DPP10: variants seen among roughly 807,000 people sequenced by gnomAD.
The protein encoded by DPP10 is inactive dipeptidyl peptidase 10.
DPP10 carries 33 observed loss-of-function variants against 120.9 expected under a neutral mutation model. The observed-to-expected ratio is 0.27, with a 90% CI of 0.21 to 0.37. The LOEUF (loss-of-function observed/expected upper bound fraction) is 0.37, where lower values mean the gene tolerates loss of function less well. Among genes scored for constraint, DPP10 ranks in the 10% least tolerant of loss-of-function variants. DPP10 has a pLI of 1.00. For synonymous variants in DPP10, 337 were observed against 326.1 expected (o/e 1.03, Z -0.36); for missense variants, 816 against 942.8 (o/e 0.87, Z 1.76).
chr2:114,602,356 G>A (rs1188512997), intron 1 of DPP10, among the ~76,000 whole-genome samples: 3 of 151,370 alleles, frequency 2.0e-5, no homozygotes, highest in Non-Finnish European at 3.0e-5. Context: ...TTTGTGTGTA[G>A]CATTTATTAC....
intron 1 of DPP10, among the ~76,000 whole-genome samples, chr2:114,825,024 A>C (rs115374152): frequency 1.6e-4 from 24 of 152,336 alleles, no homozygotes; most frequent in Non-Finnish European, 2.8e-4. Context: ...CCGTGCAGTT[A>C]ACTCAATGCT....
chr2:115,531,859 G>A (rs1283636313), intron 5 of DPP10, among the ~76,000 whole-genome samples: 2 of 151,976 alleles, frequency 1.3e-5, no homozygotes, highest in African/African-American at 2.4e-5. Flanking sequence ...GCCTGTTTTT[G>A]CACTTTAGGT....
At chr2:115,735,147 G>A (rs1264405526) in intron 8 of DPP10, among the ~76,000 whole-genome samples, 2 of 152,062 alleles carry the variant, frequency 1.3e-5, no homozygotes, top group East Asian at 1.9e-4. Flanking sequence ...TTTCATAGTG[G>A]TCATACCCAA....
At chr2:115,507,057 G>C (rs199532371) in intron 4 of DPP10, among the ~76,000 whole-genome samples, 8 of 122,130 alleles carry the variant, frequency 6.6e-5, no homozygotes, top group African/African-American at 9.8e-5. Context: ...CACACACACA[G>C]ACACACACAC....
chr2:114,850,698 CCA>C (rs1452667723), intron 1 of DPP10, among the ~76,000 whole-genome samples: 1 of 151,990 alleles, frequency 6.6e-6, no homozygotes, highest in Non-Finnish European at 1.5e-5. Context: ...AATGGGGAGT[CCA>C]CTTCTCTCTA....
intron 1 of DPP10, among the ~76,000 whole-genome samples, chr2:114,621,607 C>T (rs546432913): frequency 1.3e-5 from 2 of 152,016 alleles, no homozygotes; most frequent in African/African-American, 4.8e-5. Flanking sequence ...TTGTGTGTGA[C>T]TGAATCCAGT....
intron 3 of DPP10, among the ~76,000 whole-genome samples, chr2:115,460,265 A>G (rs2073912190): frequency 6.6e-6 from 1 of 152,214 alleles, no homozygotes; most frequent in South Asian, 2.1e-4. Context: ...TACATTTTTC[A>G]TAACGACCTG....
chr2:114,698,744 G>A (rs564532291), intron 1 of DPP10, among the ~76,000 whole-genome samples: 5 of 152,190 alleles, frequency 3.3e-5, no homozygotes, highest in East Asian at 1.9e-4. Context: ...ATAAATTCCA[G>A]AGAGCAAGAG....
chr2:114,531,636 TTGGTTC>T (rs893741554), intron 1 of DPP10, among the ~76,000 whole-genome samples: 4 of 75,356 alleles, frequency 5.3e-5, no homozygotes, highest in Non-Finnish European at 1.5e-4. Context: ...ATATCTCCTA[TTGGTTC>T]TGTTTCTCTT....
chr2:114,518,904 C>T (rs549813068), intron 1 of DPP10, among the ~76,000 whole-genome samples: 1 of 152,286 alleles, frequency 6.6e-6, no homozygotes, highest in East Asian at 1.9e-4. Flanking sequence ...CAGTTTATTA[C>T]TCAGAGGCTG....
intron 1 of DPP10, among the ~76,000 whole-genome samples, chr2:114,935,515 G>T (rs1165464352): frequency 3.3e-5 from 5 of 152,108 alleles, no homozygotes; most frequent in Non-Finnish European, 7.4e-5. Context: ...GATAAGATTT[G>T]CTGTCCCTTC....
chr2:114,549,482 G>T (rs1439233925), intron 1 of DPP10, among the ~76,000 whole-genome samples: 2 of 151,872 alleles, frequency 1.3e-5, no homozygotes, highest in African/African-American at 4.8e-5. Flanking sequence ...CCAACATTGG[G>T]AAACCCTGTC....
intron 1 of DPP10, among the ~76,000 whole-genome samples, chr2:114,937,563 C>T (rs1696576361): frequency 6.6e-6 from 1 of 152,156 alleles, no homozygotes; most frequent in Non-Finnish European, 1.5e-5. Flanking sequence ...TGAACTCTCT[C>T]TTCAAAGTTC....
intron 5 of DPP10, among the ~76,000 whole-genome samples, chr2:115,562,674 G>T (rs2080762629): frequency 6.6e-6 from 1 of 151,902 alleles, no homozygotes; most frequent in South Asian, 2.1e-4. Context: ...TATCAAATCT[G>T]GGTTTTATTC....
At chr2:115,536,111 TACAC>T in intron 5 of DPP10, among the ~76,000 whole-genome samples, 1 of 151,996 alleles carries the variant, frequency 6.6e-6, no homozygotes, top group Non-Finnish European at 1.5e-5. Context: ...AATCTGAAAA[TACAC>T]ACACAAAAAA....
At chr2:114,913,303 T>C (rs943598280) in intron 1 of DPP10, among the ~76,000 whole-genome samples, 9 of 152,130 alleles carry the variant, frequency 5.9e-5, no homozygotes, top group Non-Finnish European at 1.2e-4. Flanking sequence ...GGTCCTGCCA[T>C]CACCTACCAC....
chr2:115,830,854 AAAGCTTCTTAAAACTTTACTT>A (rs2150098318), intron 21 of DPP10, among the ~76,000 whole-genome samples: 1 of 152,316 alleles, frequency 6.6e-6, no homozygotes, highest in African/African-American at 2.4e-5. Context: ...AATGAATATG[AAAGCTTCTTAAAACTTTACTT>A]AGGGAGGTAA....
At chr2:115,701,371 A>G (rs1156992227) in intron 7 of DPP10, among the ~76,000 whole-genome samples, 1 of 152,076 alleles carries the variant, frequency 6.6e-6, no homozygotes, top group Non-Finnish European at 1.5e-5. Flanking sequence ...TGATACTGGA[A>G]AAACTGGATA....
At chr2:114,899,861 G>A (rs548074040) in intron 1 of DPP10, among the ~76,000 whole-genome samples, 2 of 152,336 alleles carry the variant, frequency 1.3e-5, no homozygotes, top group South Asian at 4.1e-4. Flanking sequence ...TCGGGAGGCT[G>A]AGGCAGGAGA....
Sources: allele counts gnomAD v4.1 joint callset (sites outside exome capture counted in the v4.1 genomes callset), GRCh38; gene constraint gnomAD v4.1.1; transcripts MANE v1.5; gene names NCBI Gene and HGNC (gene_info 2026-07-23, HGNC 2026-07-21).